The following AGBL1 variants were observed in gnomAD, a reference collection of about 807,000 sequenced individuals.
AGBL1 encodes cytosolic carboxypeptidase 4.
In AGBL1, 130 loss-of-function variants were observed where a neutral mutation model predicts 118.9. The observed-to-expected ratio is 1.09, with a 90% CI of 0.95 to 1.26. The LOEUF (loss-of-function observed/expected upper bound fraction) is 1.26. Among genes scored for constraint, AGBL1 ranks in the 50% most tolerant of loss-of-function variants. The pLI, the probability that AGBL1 is intolerant of heterozygous loss-of-function variation, is 0.00. For synonymous variants in AGBL1, 555 were observed against 478.9 expected (o/e 1.16, Z -2.08); for missense variants, 1,584 against 1,298.1 (o/e 1.22, Z -3.38).
chr15:86,382,289 G>A (rs979820374), intron 17 of AGBL1, among the ~76,000 whole-genome samples: 1 of 152,194 alleles, frequency 6.6e-6, no homozygotes, highest in African/African-American at 2.4e-5. Flanking sequence ...TTGAAACGAA[G>A]GGGCCAGAAA....
chr15:86,993,334 C>T (rs1334054475), intron 24 of AGBL1, among the ~76,000 whole-genome samples: 1 of 152,150 alleles, frequency 6.6e-6, no homozygotes, highest in Non-Finnish European at 1.5e-5. Context: ...CTATTGAATA[C>T]CAACTATATA....
At chr15:86,545,644 A>G (rs2083569611) in intron 19 of AGBL1, among the ~76,000 whole-genome samples, 1 of 152,136 alleles carries the variant, frequency 6.6e-6, no homozygotes, top group Non-Finnish European at 1.5e-5. Context: ...ACTCATAGAT[A>G]TCTTAAAATG....
chr15:86,898,771 G>A (rs2080169132), intron 22 of AGBL1, among the ~76,000 whole-genome samples: 1 of 151,964 alleles, frequency 6.6e-6, no homozygotes, highest in Admixed American at 6.6e-5. Flanking sequence ...TAGGTGGCAA[G>A]TAAGAATATG....
Position 86,118,456 on chromosome 15 carries a change from A to G in AGBL1, c.52-23548A>G, listed in dbSNP as rs74026784. ...CCTCTGCGAATCAGCACCAATGACA[A>G]CATTATAATTACACTTCAAAAAAAA... On this transcript the variant is annotated intron_variant, in intron 1 of 22. Transcript: ENST00000614907. 8.0e-3 allele frequency among the ~76,000 whole-genome samples: 1,178 copies of G among 147,742 alleles called. 11 individuals carry two copies. Among genetic ancestry groups the G allele is most frequent in the African/African-American group, 0.029 (1,133 of 39,712 alleles).
intron 23 of AGBL1, among the ~76,000 whole-genome samples, chr15:86,925,148 AGGAGGAGGAGGAGGAG>A (rs1175147494): frequency 0.019 from 2,360 of 124,666 alleles, 79 homozygotes; most frequent in African/African-American, 0.068. Context: ...GAGGAAGAGG[AGGAGGAGGAGGAGGAG>A]GAGGAAGAGG....
At chr15:87,028,684 G>GT (rs2081758127) in intron 24 of AGBL1, 2 of 693,734 alleles carry the variant, frequency 2.9e-6, no homozygotes, top group South Asian at 3.8e-5. Flanking sequence ...TAATCTAAAT[G>GT]TAAGTATGAT....
chr15:86,305,908 C>T (rs1382818883), intron 17 of AGBL1, among the ~76,000 whole-genome samples: 1 of 152,162 alleles, frequency 6.6e-6, no homozygotes, highest in Non-Finnish European at 1.5e-5. Flanking sequence ...TTTACACTCC[C>T]ACAAAGTGTA....
rs574323532 is a variant in AGBL1 at position 86,445,880 on chromosome 15, G to T, written c.2555+48334G>T. 7.2e-5 allele frequency among the ~76,000 whole-genome samples: 11 copies of T among 152,342 alleles called. No individual in the cohort carries two copies. The South Asian group carries it at 2.3e-3, about 32-fold the overall frequency. On this transcript the variant is annotated intron_variant, in intron 18 of 22. Transcript: ENST00000614907. ...CATTGGGGCCGTGTAAAAGTCGACA[G>T]TGACATATGGGAAAGGCCCTGTTAG...
At chr15:86,855,568 A>T (rs181449126) in intron 22 of AGBL1, among the ~76,000 whole-genome samples, 1 of 152,338 alleles carries the variant, frequency 6.6e-6, no homozygotes, top group East Asian at 1.9e-4. Context: ...CCCAGCCACA[A>T]TAAGAAGCAG....
chr15:86,271,254 G>A (rs2079157207), intron 14 of AGBL1, among the ~76,000 whole-genome samples: 1 of 151,648 alleles, frequency 6.6e-6, no homozygotes, highest in East Asian at 1.9e-4. Flanking sequence ...AGTAGAGATG[G>A]AGTTTCACCA....
chr15:86,092,798 A>C (rs1270478991), intron 1 of AGBL1, among the ~76,000 whole-genome samples: 1 of 152,162 alleles, frequency 6.6e-6, no homozygotes, highest in Non-Finnish European at 1.5e-5. Context: ...AGTGAGAGCA[A>C]GAGAGGGTCA....
intron 22 of AGBL1, among the ~76,000 whole-genome samples, chr15:86,698,153 T>G (rs2086294164): frequency 6.6e-6 from 1 of 151,954 alleles, no homozygotes. Flanking sequence ...TCTAAACTGA[T>G]TATGCCACAA....
At chr15:86,398,309 T>C (rs555605426) in intron 18 of AGBL1, among the ~76,000 whole-genome samples, 10 of 152,204 alleles carry the variant, frequency 6.6e-5, no homozygotes, top group Admixed American at 5.9e-4. Context: ...AGGTGGTGCA[T>C]GAGGGTGACA....
intron 9 of AGBL1, among the ~76,000 whole-genome samples, chr15:86,260,867 C>G (rs2078970745): frequency 6.6e-6 from 1 of 152,190 alleles, no homozygotes; most frequent in Admixed American, 6.5e-5. Context: ...TGTGAGGACA[C>G]AGAAGCAGGC....
At chr15:86,896,570 G>A (rs959307582) in intron 22 of AGBL1, among the ~76,000 whole-genome samples, 1 of 151,866 alleles carries the variant, frequency 6.6e-6, no homozygotes, top group Non-Finnish European at 1.5e-5. Context: ...TGGTAGTTAG[G>A]TTTTCTAACT....
chr15:86,380,455 C>T (rs1313770423), intron 17 of AGBL1, among the ~76,000 whole-genome samples: 1 of 151,404 alleles, frequency 6.6e-6, no homozygotes, highest in Non-Finnish European at 1.5e-5. Context: ...CCGGCCCTTT[C>T]CTTCCTTTTT....
intron 23 of AGBL1, among the ~76,000 whole-genome samples, chr15:86,966,661 T>C (rs2081056479): frequency 6.6e-6 from 1 of 152,118 alleles, no homozygotes; most frequent in East Asian, 1.9e-4. Flanking sequence ...GAACTCATCT[T>C]TTTTTATGGC....
intron 22 of AGBL1, among the ~76,000 whole-genome samples, chr15:86,726,553 A>G (rs1482985196): frequency 6.6e-6 from 1 of 152,170 alleles, no homozygotes; most frequent in East Asian, 1.9e-4. Flanking sequence ...TAAAGTTGGT[A>G]GGTACTATGT....
chr15:86,505,712 G>C (rs2082968546), intron 18 of AGBL1, among the ~76,000 whole-genome samples: 1 of 151,240 alleles, frequency 6.6e-6, no homozygotes, highest in Non-Finnish European at 1.5e-5. Context: ...TCTCTTTTTA[G>C]TTCCTTAAAC....
Sources: gnomAD v4.1 joint callset for allele counts (sites outside exome capture counted in the v4.1 genomes callset) on GRCh38, gnomAD v4.1.1 for gene constraint, MANE v1.5 for transcripts, NCBI Gene and HGNC (gene_info 2026-07-23, HGNC 2026-07-21) for gene names.